The following BCO1 variants were observed in gnomAD, a reference collection of about 807,000 sequenced individuals.
BCO1 encodes the protein beta-carotene oxygenase 1.
Under a neutral mutation model 56.3 loss-of-function variants are expected in BCO1, and 54 were observed. The ratio of observed to expected loss-of-function variants is 0.96; its 90% CI spans 0.77 to 1.20. BCO1 has a LOEUF of 1.20. Among genes scored for constraint, BCO1 ranks in the 50% most tolerant of loss-of-function variants. The pLI, the probability that BCO1 is intolerant of heterozygous loss-of-function variation, is 0.00. For synonymous variants in BCO1, 318 were observed against 266.1 expected (o/e 1.20, Z -1.90); for missense variants, 801 against 690.9 (o/e 1.16, Z -1.79).
intron 4 of BCO1, chr16:81,262,924 A>G (rs1367589294): frequency 6.4e-6 from 1 of 155,852 alleles, no homozygotes; most frequent in Non-Finnish European, 1.4e-5. Flanking sequence ...GTCTGAAACC[A>G]AGGTGTCAGC....
chr16:81,254,535 C>G (rs2151932410), intron 2 of BCO1, among the ~76,000 whole-genome samples: 1 of 151,422 alleles, frequency 6.6e-6, no homozygotes, highest in Non-Finnish European at 1.5e-5. Context: ...TGTGCCAGGA[C>G]AACAAGCCTG....
chr16:81,288,889 G>C (rs1908323127), intron 10 of BCO1, among the ~76,000 whole-genome samples: 1 of 152,198 alleles, frequency 6.6e-6, no homozygotes, highest in Non-Finnish European at 1.5e-5. Flanking sequence ...TTCCACCTGG[G>C]CCTTGTCTTC....
intron 2 of BCO1, among the ~76,000 whole-genome samples, chr16:81,252,838 G>A (rs975309560): frequency 3.3e-5 from 5 of 152,296 alleles, no homozygotes; most frequent in Non-Finnish European, 7.3e-5. Flanking sequence ...GGGAGTCAAT[G>A]CGCAGGACCC....
At chr16:81,263,813 C>T (rs1597359788) in intron 4 of BCO1, 2 of 152,184 alleles carry the variant, frequency 1.3e-5, no homozygotes, top group East Asian at 1.9e-4. Flanking sequence ...TTCAAAATTC[C>T]GATGTCTCTG....
intron 3 of BCO1, chr16:81,261,905 C>T: frequency 2.3e-6 from 1 of 440,382 alleles, no homozygotes; most frequent in Non-Finnish European, 4.2e-6. Context: ...CCACGCCCGG[C>T]TGATTTTTTG....
At chr16:81,284,927 C>CCTGGGTTCAAGTG (rs1259686007) in intron 8 of BCO1, among the ~76,000 whole-genome samples, 1 of 151,206 alleles carries the variant, frequency 6.6e-6, no homozygotes, top group East Asian at 1.9e-4. Flanking sequence ...ACCTCTGCCT[C>CCTGGGTTCAAGTG]CTGGGTTCAA....
chr16:81,287,824 G>A (rs1272326169), intron 10 of BCO1, among the ~76,000 whole-genome samples: 25 of 152,084 alleles, frequency 1.6e-4, no homozygotes, highest in Admixed American at 1.3e-4. Context: ...GACTTCTCCC[G>A]ACAATGACGT....
At chr16:81,240,738 G>T (rs1480142791) in intron 1 of BCO1, among the ~76,000 whole-genome samples, 1 of 151,906 alleles carries the variant, frequency 6.6e-6, no homozygotes, top group Non-Finnish European at 1.5e-5. Context: ...AGGCACCCCA[G>T]CCTGGCCAAC....
intron 2 of BCO1, among the ~76,000 whole-genome samples, chr16:81,251,291 G>A (rs1905782709): frequency 6.6e-6 from 1 of 152,106 alleles, no homozygotes; most frequent in Admixed American, 6.6e-5. Flanking sequence ...AGAGGTTGTG[G>A]TTCATGCCTA....
chr16:81,282,774 G>A (rs182697718), intron 8 of BCO1, among the ~76,000 whole-genome samples: 8 of 151,860 alleles, frequency 5.3e-5, no homozygotes, highest in Admixed American at 4.6e-4. Context: ...CCCTGCCCCC[G>A]TGACAGCGCT....
chr16:81,260,433 CA>C lies in BCO1; in HGVS notation c.323+629del, dbSNP rs372738946. 1.9e-3 allele frequency among the ~76,000 whole-genome samples: 296 copies of C among 152,192 alleles called. 2 individuals are homozygous for C. Among genetic ancestry groups the C allele is most frequent in the African/African-American group, 6.8e-3 (284 of 41,510 alleles). Reference sequence around the variant, plus strand: ...CATAAAGAAACTAGGAAAGGATGCACAGGGGCAGATGGATGTTGAGGAGAGG... The same window carrying C: ...CATAAAGAAACTAGGAAAGGATGCACGGGGCAGATGGATGTTGAGGAGAGG... On this transcript the variant is annotated intron_variant, in intron 3 of 10. Coordinates refer to ENST00000258168, the MANE Select transcript of BCO1 (RefSeq NM_017429.3).
intron 2 of BCO1, among the ~76,000 whole-genome samples, chr16:81,246,138 A>C (rs1054779723): frequency 4.0e-5 from 6 of 151,816 alleles, no homozygotes; most frequent in African/African-American, 1.5e-4. Flanking sequence ...CTCCATCTCT[A>C]TCTTTAAAGC....
intron 9 of BCO1, among the ~76,000 whole-genome samples, chr16:81,286,630 C>T (rs1372477370): frequency 6.6e-6 from 1 of 151,428 alleles, no homozygotes; most frequent in Non-Finnish European, 1.5e-5. Context: ...CTGAGGATTG[C>T]TTGAGACCAG....
intron 8 of BCO1, among the ~76,000 whole-genome samples, chr16:81,282,846 C>G (rs1456142731): frequency 1.3e-5 from 2 of 152,206 alleles, no homozygotes; most frequent in Non-Finnish European, 2.9e-5. Flanking sequence ...CGGGTCCCTT[C>G]TGGCGAGTTC....
At chr16:81,286,103 G>C (rs1374123933) in intron 9 of BCO1, among the ~76,000 whole-genome samples, 2 of 151,756 alleles carry the variant, frequency 1.3e-5, no homozygotes, top group Non-Finnish European at 2.9e-5. Context: ...GTCCATGCCT[G>C]TCTTGAATTC....
At chr16:81,244,705 C>T (rs892682578) in intron 1 of BCO1, among the ~76,000 whole-genome samples, 10 of 148,318 alleles carry the variant, frequency 6.7e-5, no homozygotes, top group Non-Finnish European at 1.2e-4. Flanking sequence ...ACGTCTGTAG[C>T]GTTGCCCCTA....
chr16:81,275,117 G>C (rs572769769), intron 7 of BCO1, among the ~76,000 whole-genome samples: 1 of 152,386 alleles, frequency 6.6e-6, no homozygotes, highest in South Asian at 2.1e-4. Context: ...CCCTGATCCA[G>C]CAGCTTTGGC....
intron 2 of BCO1, among the ~76,000 whole-genome samples, chr16:81,257,531 C>T (rs545532027): frequency 6.6e-6 from 1 of 150,944 alleles, no homozygotes; most frequent in African/African-American, 2.4e-5. Context: ...TCCCAAAGTG[C>T]TGGGATTACA....
intron 2 of BCO1, among the ~76,000 whole-genome samples, chr16:81,247,433 C>A (rs1905491557): frequency 6.6e-6 from 1 of 152,206 alleles, no homozygotes; most frequent in Non-Finnish European, 1.5e-5. Context: ...GAGGCGGAGG[C>A]AGGAGTGTTG....
Sources: allele counts gnomAD v4.1 joint callset (sites outside exome capture counted in the v4.1 genomes callset), GRCh38; gene constraint gnomAD v4.1.1; transcripts MANE v1.5; gene names NCBI Gene and HGNC (gene_info 2026-07-23, HGNC 2026-07-21).